Variants in RBM33 observed in about 807,000 individuals in gnomAD.
RBM33 encodes RNA binding motif protein 33.
A neutral mutation model predicts 132.6 loss-of-function variants in RBM33; 28 were observed. The ratio of observed to expected loss-of-function variants is 0.21; its 90% confidence interval spans 0.16 to 0.29. The LOEUF is 0.29. Among genes scored for constraint, RBM33 ranks in the 10% least tolerant of loss-of-function variants. The pLI is 1.00. For missense variants in RBM33, 1,291 were observed against 1,518.5 expected (o/e 0.85, Z 2.49); for synonymous variants, 634 against 593.0 (o/e 1.07, Z -1.01).
intron 9 of RBM33, among the ~76,000 whole-genome samples, chr7:155,723,952 CT>C (rs1312125238): frequency 1.3e-5 from 2 of 152,110 alleles, no homozygotes; most frequent in African/African-American, 4.8e-5. Flanking sequence ...ACTGGGACAC[CT>C]TTTAAATTCT....
chr7:155,680,692 G>A lies in RBM33; in HGVS notation c.351G>A (p.Glu117=), dbSNP rs372879569. The part of the protein sequence containing the change: ...TNDQSGEQES[E]YEQEQGEDEL... ...ACCAATCTGGAGAACAGGAATCTGA[G>A]TATGAACAAGAACAAGGAGAGGATG... Residue 117 remains glutamate, a synonymous_variant, in exon 5 of 18, where the codon GAG becomes GAA. Transcript: ENST00000401878. 2.0e-5 allele frequency: 32 copies of A among 1,612,466 alleles called. No individual in the cohort carries two copies. Among genetic ancestry groups the A allele is most frequent in the Non-Finnish European group, 2.6e-5 (31 of 1,179,298 alleles).
rs776195866 is a variant in RBM33, at chr7:155,711,352, G to C, written c.1098G>C (p.Glu366Asp). The C allele has an allele frequency of 6.3e-7, 1 of 1,598,620 alleles. No homozygotes were observed. Among genetic ancestry groups the C allele is most frequent in the South Asian group, 1.1e-5 (1 of 89,218 alleles). The change falls in exon 8 of 18, where the codon GAG becomes GAC. Residue 366 changes from glutamate (E) to aspartate (D), a missense_variant. Glu to Asp is a conservative substitution (Grantham distance 45, BLOSUM62 2). Coordinates refer to ENST00000401878, the MANE Select transcript of RBM33 (RefSeq NM_053043.3). ...GAATGCACATGCCTCCCCAGCTAGA[G>C]ACCCCAAGGATGATGATGACCCCGC... is the stretch of plus-strand genomic sequence containing the variant. ...PQGMHMPPQLETPRMMMTPPP... is the reference protein window; with the variant it reads ...PQGMHMPPQLDTPRMMMTPPP...
At chr7:155,653,550 C>T (rs1354005051) in intron 1 of RBM33, among the ~76,000 whole-genome samples, 1 of 146,048 alleles carries the variant, frequency 6.8e-6, no homozygotes, top group East Asian at 2.0e-4. Context: ...AGGGTTAGAA[C>T]GTTCAGGCTC....
intron 5 of RBM33, among the ~76,000 whole-genome samples, chr7:155,697,362 C>G (rs958245893): frequency 4.6e-5 from 7 of 151,798 alleles, no homozygotes; most frequent in African/African-American, 1.7e-4. Context: ...GATTTTGTTT[C>G]TGTATTAATG....
At chr7:155,659,273 C>G (rs1490881907) in intron 1 of RBM33, among the ~76,000 whole-genome samples, 1 of 151,950 alleles carries the variant, frequency 6.6e-6, no homozygotes, top group African/African-American at 2.4e-5. Flanking sequence ...ACAAGGATAC[C>G]CAGACATTGG....
At chr7:155,672,173 C>T (rs1798959629) in intron 2 of RBM33, among the ~76,000 whole-genome samples, 1 of 151,714 alleles carries the variant, frequency 6.6e-6, no homozygotes, top group Non-Finnish European at 1.5e-5. Flanking sequence ...TTTTATCTTC[C>T]TAATCAATTA....
chr7:155,688,565 G>A (rs1217574408), intron 5 of RBM33, among the ~76,000 whole-genome samples: 2 of 152,164 alleles, frequency 1.3e-5, no homozygotes, highest in East Asian at 3.8e-4. Context: ...AGTTTTCAAA[G>A]GGAATGCTTC....
At chr7:155,760,833 T>C (rs182745649) in intron 14 of RBM33, among the ~76,000 whole-genome samples, 1 of 152,108 alleles carries the variant, frequency 6.6e-6, no homozygotes, top group Non-Finnish European at 1.5e-5. Flanking sequence ...TAGAAGACCT[T>C]GTGGAGAAGA....
intron 5 of RBM33, chr7:155,685,106 A>T: frequency 6.6e-7 from 1 of 1,519,956 alleles, no homozygotes; most frequent in South Asian, 1.2e-5. Flanking sequence ...CCTCCCCCAG[A>T]CTTAAAATGA....
At position 155,775,156 on chromosome 7, in the gene RBM33, G is replaced by A. The variant is rs1472160071; in HGVS notation, c.*115G>A. 1 of 928,406 alleles carries A rather than the reference G, an allele frequency of 1.1e-6. No individual in the cohort carries two copies. The highest frequency in any genetic ancestry group is 1.8e-6 in the Non-Finnish European group (1 of 566,086). 57.5% of individuals were successfully genotyped at this position (928,406 alleles called of 1,614,324 possible). On this transcript the variant is annotated 3_prime_UTR_variant, in exon 18 of 18. Coordinates refer to ENST00000401878, the MANE Select transcript of RBM33 (RefSeq NM_053043.3). The stretch of plus-strand genomic sequence containing the variant: ...ACAGGTCTCTCCGGGCCGCTGTCCT[G>A]CGTAACTGTTCTCCAGAGCGCCAGC...
intron 6 of RBM33, among the ~76,000 whole-genome samples, chr7:155,702,389 C>A (rs1395705739): frequency 1.3e-5 from 2 of 152,236 alleles, no homozygotes; most frequent in East Asian, 1.9e-4. Flanking sequence ...TACTACTACT[C>A]CATCTTGTGG....
chr7:155,711,171 A>G, intron 7 of RBM33, 32 bp from the exon 8 acceptor site: 1 of 1,459,592 alleles, frequency 6.9e-7, no homozygotes, highest in Non-Finnish European at 9.1e-7. Flanking sequence ...TGTGATTTGT[A>G]GACTCATTCT....
intron 5 of RBM33, among the ~76,000 whole-genome samples, chr7:155,686,145 A>G (rs993250034): frequency 1.3e-5 from 2 of 152,240 alleles, no homozygotes; most frequent in Non-Finnish European, 2.9e-5. Context: ...AAGAACTCTT[A>G]CCCAGATTCT....
At chr7:155,689,293 G>A (rs903676696) in intron 5 of RBM33, among the ~76,000 whole-genome samples, 1 of 152,170 alleles carries the variant, frequency 6.6e-6, no homozygotes, top group African/African-American at 2.4e-5. Context: ...ATGGTAGTTT[G>A]TATTTCTGTG....
Position 155,777,402 on chromosome 7 carries a change from A to G in RBM33, c.*2361A>G, listed in dbSNP as rs1036896013. On this transcript the variant is annotated 3_prime_UTR_variant, in exon 18 of 18. Transcript: ENST00000401878. The stretch of plus-strand genomic sequence containing the variant: ...GTCCAACACAGTCCGACCTCACTCA[A>G]TACCCACAACCATCGAAAATGGATT... 2.0e-5 allele frequency: 3 copies of G among 152,246 alleles called. No homozygotes were observed. The highest frequency in any genetic ancestry group is 7.2e-5 in the African/African-American group (3 of 41,454). 9.4% of individuals were successfully genotyped at this position (152,246 alleles called of 1,614,324 possible).
At chr7:155,715,011 A>G (rs1408762824) in intron 8 of RBM33, among the ~76,000 whole-genome samples, 1 of 152,126 alleles carries the variant, frequency 6.6e-6, no homozygotes, top group African/African-American at 2.4e-5. Context: ...TTAAAGTACA[A>G]TTAACTCCTA....
Position 155,781,435 on chromosome 7 carries a change from T to C in RBM33, c.*6394T>C, listed in dbSNP as rs550600593. 1 of 152,376 alleles carries C rather than the reference T, an allele frequency of 6.6e-6. No individual in the cohort carries two copies. Among genetic ancestry groups the C allele is most frequent in the African/African-American group, 2.4e-5 (1 of 41,588 alleles). 9.4% of individuals were successfully genotyped at this position (152,376 alleles called of 1,614,324 possible). A position where few individuals can be genotyped will look rare whatever the true frequency, so the allele number is the denominator to read the frequency against. On this transcript the variant is annotated 3_prime_UTR_variant, in exon 18 of 18. Coordinates refer to ENST00000401878, the MANE Select transcript of RBM33 (RefSeq NM_053043.3). ...ACCAAAAAAATGTGTTTGAACTATA[T>C]TGTATGTAATTTGGAAGTCGTGTTA...
Position 155,741,997 on chromosome 7 carries a change from C to T in RBM33, c.2228C>T (p.Pro743Leu), listed in dbSNP as rs1424446775. 1.2e-6 allele frequency: 2 copies of T among 1,614,042 alleles called. No homozygotes were observed. Among genetic ancestry groups the T allele is most frequent in the Non-Finnish European group, 1.7e-6 (2 of 1,179,912 alleles). The change falls in exon 13 of 18, where the codon CCC becomes CTC. Residue 743 changes from proline (P) to leucine (L), a missense_variant. By Grantham distance (98) the Pro-to-Leu change is moderately conservative. Transcript: ENST00000401878. Reference sequence around the variant, plus strand: ...AAACCTATCGTCAGCGCGTCACCACCCTCGCGGGCCGTGGCGGGTTCCAGA... The same window carrying T: ...AAACCTATCGTCAGCGCGTCACCACTCTCGCGGGCCGTGGCGGGTTCCAGA... ...QVKPIVSASP[P>L]SRAVAGSRSS...
intron 5 of RBM33, among the ~76,000 whole-genome samples, chr7:155,691,994 T>C (rs1799656518): frequency 6.6e-6 from 1 of 150,386 alleles, no homozygotes; most frequent in East Asian, 1.9e-4. Flanking sequence ...GAGGTTGCAG[T>C]GAGCTGTGAT....
Sources: gnomAD v4.1 joint callset for allele counts (sites outside exome capture counted in the v4.1 genomes callset) on GRCh38, gnomAD v4.1.1 for gene constraint, MANE v1.5 for transcripts, NCBI Gene and HGNC (gene_info 2026-07-23, HGNC 2026-07-21) for gene names.